SH3RF3: variants seen among roughly 807,000 people sequenced by gnomAD.
SH3RF3 encodes E3 ubiquitin-protein ligase SH3RF3.
In SH3RF3, 29 loss-of-function variants were observed where a neutral mutation model predicts 66.3. That is an observed-to-expected ratio of 0.44 (90% CI 0.33 to 0.60). The LOEUF is 0.60. SH3RF3 is among the 20% of genes least tolerant of loss of function. The pLI, the probability that SH3RF3 is intolerant of heterozygous loss-of-function variation, is 0.04. For synonymous variants in SH3RF3, 583 were observed against 532.0 expected (o/e 1.10, Z -1.32); for missense variants, 1,194 against 1,190.9 (o/e 1.00, Z -0.04).
intron 4 of SH3RF3, 32 bp from the exon 5 acceptor site, chr2:109,419,507 C>T: frequency 6.4e-7 from 1 of 1,558,986 alleles, no homozygotes; most frequent in South Asian, 1.2e-5. Context: ...GTCTCTGTCT[C>T]CTCACTCCTG....
rs1236326231 is a variant in SH3RF3, at chr2:109,303,588, G to A, written c.574-44086G>A. Among the ~76,000 whole-genome samples the A allele has an allele frequency of 2.0e-5, 3 of 152,236 alleles. No homozygotes were observed. In the East Asian group the frequency reaches 5.8e-4, roughly 29 times the overall value. On this transcript the variant is annotated intron_variant, in intron 1 of 9. Transcript: ENST00000309415. ...CCCACCCGATGATGCCCAAGGGACG[G>A]GAGAGGGCCGCCACACGGGCTGGCG...
At chr2:109,376,986 A>G (rs1434416672) in intron 3 of SH3RF3, among the ~76,000 whole-genome samples, 1 of 152,270 alleles carries the variant, frequency 6.6e-6, no homozygotes, top group Admixed American at 6.5e-5. Flanking sequence ...CAGCCAGCAC[A>G]TACCCCAGAC....
intron 3 of SH3RF3, among the ~76,000 whole-genome samples, chr2:109,375,291 C>T (rs1683354919): frequency 1.3e-5 from 2 of 152,328 alleles, no homozygotes; most frequent in African/African-American, 2.4e-5. Context: ...TTTCGCCCAT[C>T]GTTTTGCAAA....
chr2:109,397,010 GCCTA>G (rs1283283452), intron 3 of SH3RF3, among the ~76,000 whole-genome samples: 1 of 152,182 alleles, frequency 6.6e-6, no homozygotes, highest in Admixed American at 6.5e-5. Flanking sequence ...CCCCCCGGTG[GCCTA>G]CCTGCAGTTT....
chr2:109,444,858 G>A (rs748978194), intron 7 of SH3RF3, among the ~76,000 whole-genome samples: 90 of 152,200 alleles, frequency 5.9e-4, no homozygotes, highest in South Asian at 3.5e-3. Flanking sequence ...GGAAAATAAG[G>A]GAGAAATCTG....
At chr2:109,422,555 G>A (rs1269412367) in intron 5 of SH3RF3, among the ~76,000 whole-genome samples, 4 of 152,200 alleles carry the variant, frequency 2.6e-5, no homozygotes, top group African/African-American at 9.6e-5. Context: ...GGAGGCGACT[G>A]TGAGTCTGCA....
At chr2:109,213,328 C>A (rs949448611) in intron 1 of SH3RF3, among the ~76,000 whole-genome samples, 2 of 152,262 alleles carry the variant, frequency 1.3e-5, no homozygotes, top group East Asian at 3.9e-4. Flanking sequence ...GTACGCCAAA[C>A]GCAGCCCGGG....
At chr2:109,155,112 A>G (rs537347716) in intron 1 of SH3RF3, among the ~76,000 whole-genome samples, 1 of 152,168 alleles carries the variant, frequency 6.6e-6, no homozygotes, top group Non-Finnish European at 1.5e-5. Context: ...GAGCCACATA[A>G]AGGCATTTTG....
intron 1 of SH3RF3, among the ~76,000 whole-genome samples, chr2:109,299,549 G>A (rs548715692): frequency 1.1e-3 from 165 of 152,218 alleles, no homozygotes; most frequent in Non-Finnish European, 1.8e-3. Flanking sequence ...TGCGCTCCCA[G>A]GGGAGTCACC....
chr2:109,160,479 G>A (rs1318984890), intron 1 of SH3RF3, among the ~76,000 whole-genome samples: 1 of 152,270 alleles, frequency 6.6e-6, no homozygotes, highest in Non-Finnish European at 1.5e-5. Flanking sequence ...AGAGGACGCA[G>A]CTGAAAGACC....
In SH3RF3 at chr2:109,221,443, T is replaced by G. The variant is rs1679238612; in HGVS notation, c.573+91330T>G. On this transcript the variant is annotated intron_variant, in intron 1 of 9. Coordinates refer to ENST00000309415, the MANE Select transcript of SH3RF3 (RefSeq NM_001099289.3). Reference sequence around the variant, plus strand: ...ACTAAAAATACAAAAATTAGCCAAGTGTGGTGGTGCACGCCTGTAATCCCA... The same window carrying G: ...ACTAAAAATACAAAAATTAGCCAAGGGTGGTGGTGCACGCCTGTAATCCCA... 2.0e-5 allele frequency among the ~76,000 whole-genome samples: 3 copies of G among 152,028 alleles called. No individual in the cohort carries two copies. The South Asian group carries it at 6.2e-4, about 32-fold the overall frequency.
At chr2:109,178,839 T>C (rs937772899) in intron 1 of SH3RF3, among the ~76,000 whole-genome samples, 10 of 152,218 alleles carry the variant, frequency 6.6e-5, no homozygotes, top group African/African-American at 2.4e-4. Context: ...GAAATGAATA[T>C]GGACATATTC....
chr2:109,309,451 C>T (rs1681676259), intron 1 of SH3RF3, among the ~76,000 whole-genome samples: 1 of 129,718 alleles, frequency 7.7e-6, no homozygotes, highest in Non-Finnish European at 1.6e-5. Flanking sequence ...AACTAACGAG[C>T]AAAATCACTA....
chr2:109,440,899 G>A (rs1677544293), intron 7 of SH3RF3, among the ~76,000 whole-genome samples: 1 of 152,126 alleles, frequency 6.6e-6, no homozygotes, highest in South Asian at 2.1e-4. Context: ...TGCTAACAGT[G>A]CCCAGAATAC....
At chr2:109,288,886 C>T (rs144853185) in intron 1 of SH3RF3, among the ~76,000 whole-genome samples, 13 of 152,280 alleles carry the variant, frequency 8.5e-5, no homozygotes, top group African/African-American at 1.7e-4. Context: ...GTAAAGAAAG[C>T]GGCACCAGTG....
intron 1 of SH3RF3, among the ~76,000 whole-genome samples, chr2:109,259,696 A>C (rs1039491704): frequency 6.6e-6 from 1 of 152,232 alleles, no homozygotes; most frequent in Admixed American, 6.5e-5. Flanking sequence ...CCTACGGAAG[A>C]AGAATTTGTT....
intron 8 of SH3RF3, among the ~76,000 whole-genome samples, chr2:109,457,096 C>T (rs1678081725): frequency 6.6e-6 from 1 of 152,208 alleles, no homozygotes; most frequent in African/African-American, 2.4e-5. Context: ...GCCTCAGTTT[C>T]CACATCTGTG....
intron 1 of SH3RF3, among the ~76,000 whole-genome samples, chr2:109,332,103 G>A (rs565617661): frequency 1.3e-5 from 2 of 152,288 alleles, no homozygotes; most frequent in African/African-American, 4.8e-5. Flanking sequence ...CTTCTGTTTA[G>A]CATAGACATT....
intron 1 of SH3RF3, among the ~76,000 whole-genome samples, chr2:109,177,301 A>G (rs1206680122): frequency 6.6e-6 from 1 of 152,190 alleles, no homozygotes; most frequent in Non-Finnish European, 1.5e-5. Flanking sequence ...AGCCCAATGC[A>G]TGGTGATTTT....
Sources: gnomAD v4.1 joint callset for allele counts (sites outside exome capture counted in the v4.1 genomes callset) on GRCh38, gnomAD v4.1.1 for gene constraint, MANE v1.5 for transcripts, NCBI Gene and HGNC (gene_info 2026-07-23, HGNC 2026-07-21) for gene names.